DAPK2: variants seen among roughly 807,000 people sequenced by gnomAD.
DAPK2 encodes the protein death-associated protein kinase 2.
Under a neutral mutation model 44.1 loss-of-function variants are expected in DAPK2, and 35 were observed. The ratio of observed to expected loss-of-function variants is 0.79; its 90% CI spans 0.61 to 1.05. DAPK2 has a LOEUF of 1.05. DAPK2 is among the 50% of genes least tolerant of loss of function. DAPK2 has a pLI of 0.00. For missense variants in DAPK2, 453 were observed against 483.2 expected (o/e 0.94, Z 0.59); for synonymous variants, 174 against 182.6 (o/e 0.95, Z 0.38).
chr15:63,924,791 T>C lies in DAPK2; in HGVS notation c.858+25A>G, dbSNP rs1250865705. On this transcript the variant is annotated intron_variant, in intron 8 of 10. Transcript: ENST00000261891. ...CGACAGAGCAGGGACCCTTTGCCCA[T>C]TGGAACTCATGGCTGTGCCCTTACC... The C allele has an allele frequency of 9.3e-6, 15 of 1,613,778 alleles. No individual in the cohort carries two copies. In the Admixed American group the frequency reaches 2.0e-4, roughly 22 times the overall value.
At chr15:63,945,153 C>A (rs2077415450) in intron 3 of DAPK2, among the ~76,000 whole-genome samples, 1 of 152,174 alleles carries the variant, frequency 6.6e-6, no homozygotes, top group South Asian at 2.1e-4. Flanking sequence ...ACATGAGCCA[C>A]CCTGACCACC....
At chr15:64,040,012 T>G (rs867691139) in intron 1 of DAPK2, among the ~76,000 whole-genome samples, 158 bp downstream of exon 2, 1 of 152,226 alleles carries the variant, frequency 6.6e-6, no homozygotes, top group Non-Finnish European at 1.5e-5. Context: ...AATGACCATG[T>G]GCAAAGTCAC....
At chr15:63,934,847 A>T (rs1055190981) in intron 4 of DAPK2, among the ~76,000 whole-genome samples, 4 of 152,202 alleles carry the variant, frequency 2.6e-5, no homozygotes, top group African/African-American at 9.6e-5. Context: ...GGCGTGAGTC[A>T]CTACGCCCAG....
At chr15:64,018,971 AG>A (rs1481323630) in intron 1 of DAPK2, among the ~76,000 whole-genome samples, 2 of 152,206 alleles carry the variant, frequency 1.3e-5, no homozygotes, top group African/African-American at 4.8e-5. Context: ...CCTCCCTAAA[AG>A]GTGGCTAATG....
chr15:63,973,901 T>C (rs567963270), intron 2 of DAPK2, among the ~76,000 whole-genome samples: 6 of 152,284 alleles, frequency 3.9e-5, no homozygotes, highest in South Asian at 2.1e-4. Flanking sequence ...CCTGGTTTCA[T>C]TACCTACAAA....
chr15:63,933,891 A>T (rs2077051673), intron 4 of DAPK2, among the ~76,000 whole-genome samples: 1 of 151,992 alleles, frequency 6.6e-6, no homozygotes, highest in Non-Finnish European at 1.5e-5. Context: ...CACCACTTCC[A>T]GCTGAATTTT....
chr15:63,949,422 A>G (rs1274427780), intron 3 of DAPK2, among the ~76,000 whole-genome samples: 2 of 152,176 alleles, frequency 1.3e-5, no homozygotes. Flanking sequence ...TCTGTGCCAC[A>G]CACCACCAGC....
At chr15:63,984,104 T>C (rs948130438) in intron 1 of DAPK2, among the ~76,000 whole-genome samples, 1 of 152,154 alleles carries the variant, frequency 6.6e-6, no homozygotes, top group Non-Finnish European at 1.5e-5. Context: ...GAAATCACAA[T>C]GTCCATAAGC....
intron 1 of DAPK2, among the ~76,000 whole-genome samples, chr15:64,039,332 G>T (rs534451919): frequency 6.6e-6 from 1 of 152,306 alleles, no homozygotes; most frequent in South Asian, 2.1e-4. Flanking sequence ...CATGGGAGAG[G>T]GCATAACAGG....
Position 64,031,628 on chromosome 15 carries a change from C to T in DAPK2, c.92+8542G>A, listed in dbSNP as rs1425976582. 6.6e-5 allele frequency among the ~76,000 whole-genome samples: 10 copies of T among 152,294 alleles called. No homozygotes were observed. In the East Asian group the frequency reaches 1.9e-3, roughly 29 times the overall value. On this transcript the variant is annotated intron_variant, in intron 1 of 10. Transcript: ENST00000261891. ...GTATGATCAGAGAGGCACAAAAATC[C>T]CAGGCCAGGGTAGTGAAGAGGGCTT...
At chr15:63,975,378 T>A (rs2078315123) in intron 2 of DAPK2, among the ~76,000 whole-genome samples, 1 of 152,304 alleles carries the variant, frequency 6.6e-6, no homozygotes, top group East Asian at 1.9e-4. Context: ...GAACACATAC[T>A]CTATGTTACA....
intron 3 of DAPK2, among the ~76,000 whole-genome samples, chr15:63,950,908 T>A (rs2077568892): frequency 6.6e-6 from 1 of 152,194 alleles, no homozygotes; most frequent in Non-Finnish European, 1.5e-5. Context: ...AGTATTAACA[T>A]CCTCATGACA....
intron 1 of DAPK2, among the ~76,000 whole-genome samples, chr15:64,014,336 G>A (rs2079465749): frequency 6.6e-6 from 1 of 152,228 alleles, no homozygotes; most frequent in Admixed American, 6.5e-5. Flanking sequence ...GAGCTGTTGG[G>A]ACAATCACAC....
At chr15:63,935,089 CTTT>C (rs35739549) in intron 4 of DAPK2, among the ~76,000 whole-genome samples, 4 of 124,470 alleles carry the variant, frequency 3.2e-5, no homozygotes, top group African/African-American at 1.2e-4. Flanking sequence ...TCTTTGCCTT[CTTT>C]TTTTTTTTTT....
chr15:64,035,061 G>A (rs751421000), intron 1 of DAPK2, among the ~76,000 whole-genome samples: 3 of 151,912 alleles, frequency 2.0e-5, no homozygotes, highest in Non-Finnish European at 2.9e-5. Flanking sequence ...CTAGCTACTC[G>A]GGAGGCTGAG....
At chr15:63,942,758 A>T (rs1258117343) in intron 3 of DAPK2, among the ~76,000 whole-genome samples, 3 of 151,810 alleles carry the variant, frequency 2.0e-5, no homozygotes, top group African/African-American at 7.3e-5. Flanking sequence ...TTCACATTTC[A>T]GCAAAGGTAG....
intron 1 of DAPK2, among the ~76,000 whole-genome samples, chr15:64,021,615 G>T (rs1021080947): frequency 2.6e-5 from 4 of 152,148 alleles, no homozygotes; most frequent in Non-Finnish European, 5.9e-5. Flanking sequence ...GTCTTCAATG[G>T]GCTCACAATC....
intron 3 of DAPK2, 73 bp downstream of exon 4, chr15:63,971,350 T>C: frequency 6.4e-7 from 1 of 1,572,036 alleles, no homozygotes; most frequent in South Asian, 1.2e-5. Flanking sequence ...GGGCCCATCC[T>C]GGGAAAGACA....
chr15:63,937,462 G>T (rs1230123866), intron 4 of DAPK2, among the ~76,000 whole-genome samples: 2 of 152,068 alleles, frequency 1.3e-5, no homozygotes, highest in Admixed American at 6.5e-5. Context: ...GTGAACTCTG[G>T]GCTCCATTTG....
Sources: allele counts gnomAD v4.1 joint callset (sites outside exome capture counted in the v4.1 genomes callset), GRCh38; gene constraint gnomAD v4.1.1; transcripts MANE v1.5; gene names NCBI Gene and HGNC (gene_info 2026-07-23, HGNC 2026-07-21).